RBFOX1: variants seen among roughly 807,000 people sequenced by gnomAD.
RBFOX1 encodes the protein RNA binding protein fox-1 homolog 1.
Under a neutral mutation model 57.7 loss-of-function variants are expected in RBFOX1, and 8 were observed. The ratio of observed to expected loss-of-function variants is 0.14; its 90% CI spans 0.08 to 0.25. The LOEUF (loss-of-function observed/expected upper bound fraction) is 0.25. RBFOX1 is among the 10% of genes least tolerant of loss of function. The probability of loss-of-function intolerance (pLI) is 1.00; values close to 1 mark genes in which losing one functional copy is unlikely to be tolerated. For synonymous variants in RBFOX1, 326 were observed against 222.4 expected, an observed-to-expected ratio of 1.47 and a Z score of -4.15; for missense variants, 611 against 548.5, an observed-to-expected ratio of 1.11 and a Z score of -1.14.
chr16:6,806,935 G>C (rs1048535934), intron 3 of RBFOX1, among the ~76,000 whole-genome samples: 9 of 149,718 alleles, frequency 6.0e-5, no homozygotes, highest in African/African-American at 2.2e-4. Flanking sequence ...CTGGGTTCAA[G>C]TGATTCTCCT....
rs561472314 is a variant in RBFOX1 at position 5,549,826 on chromosome 16, A to C, written c.259-49076A>C. On this transcript the variant is annotated intron_variant, in intron 2 of 2. Transcript: ENST00000585867. Reference sequence around the variant, plus strand: ...TCTGAAGGAATGTAGTTTGTGAGTTACTGGGAAGGATGGAAGCAGTGTCAT... The same window carrying C: ...TCTGAAGGAATGTAGTTTGTGAGTTCCTGGGAAGGATGGAAGCAGTGTCAT... Among the ~76,000 whole-genome samples, 3 of 152,330 alleles carry C rather than the reference A, an allele frequency of 2.0e-5. No homozygotes were observed. The South Asian group carries it at 6.2e-4, about 32-fold the overall frequency.
At chr16:7,267,347 C>T (rs1184983706) in intron 4 of RBFOX1, among the ~76,000 whole-genome samples, 3 of 152,010 alleles carry the variant, frequency 2.0e-5, no homozygotes, top group Admixed American at 6.6e-5. Context: ...CCAGCCTGGG[C>T]AACATGGCAA....
chr16:6,003,281 C>CAAAAA (rs59758084), intron 4 of RBFOX1, among the ~76,000 whole-genome samples: 10 of 77,584 alleles, frequency 1.3e-4, no homozygotes, highest in African/African-American at 4.5e-4. Context: ...ACTCTGTCTC[C>CAAAAA]AAAAAAAAAA....
At chr16:6,925,649 G>A (rs1306226184) in intron 3 of RBFOX1, among the ~76,000 whole-genome samples, 1 of 151,932 alleles carries the variant, frequency 6.6e-6, no homozygotes, top group Non-Finnish European at 1.5e-5. Context: ...GCTACAAAGG[G>A]CTTAGGGTAG....
intron 2 of RBFOX1, among the ~76,000 whole-genome samples, chr16:6,466,524 A>T (rs1050928158): frequency 6.6e-6 from 1 of 152,190 alleles, no homozygotes; most frequent in Non-Finnish European, 1.5e-5. Flanking sequence ...ATTCAACCTT[A>T]GATATGTATG....
chr16:5,571,401 G>C (rs1478237108), intron 2 of RBFOX1, among the ~76,000 whole-genome samples: 1 of 151,530 alleles, frequency 6.6e-6, no homozygotes, highest in Non-Finnish European at 1.5e-5. Flanking sequence ...TTTTAGTAGA[G>C]ATGGGGTTTC....
chr16:6,975,272 A>AT (rs35440171), intron 3 of RBFOX1, among the ~76,000 whole-genome samples: 42 of 149,976 alleles, frequency 2.8e-4, no homozygotes, highest in Middle Eastern at 3.4e-3. Flanking sequence ...TTTTTTTATT[A>AT]TTTTTTTTTT....
intron 3 of RBFOX1, among the ~76,000 whole-genome samples, chr16:6,986,551 C>G (rs1354182271): frequency 2.0e-5 from 3 of 152,168 alleles, no homozygotes; most frequent in African/African-American, 7.2e-5. Flanking sequence ...CTTGGCTTCC[C>G]AAAGTGCTGG....
At chr16:6,890,857 G>T (rs114070781) in intron 3 of RBFOX1, among the ~76,000 whole-genome samples, 4 of 152,176 alleles carry the variant, frequency 2.6e-5, no homozygotes, top group African/African-American at 7.2e-5. Flanking sequence ...AGCAGACTCA[G>T]TAGAACTCTA....
chr16:6,402,388 A>G (rs2093109215), intron 2 of RBFOX1, among the ~76,000 whole-genome samples: 1 of 152,224 alleles, frequency 6.6e-6, no homozygotes, highest in African/African-American at 2.4e-5. Context: ...TCTTTTCCAA[A>G]CAAAATAAAA....
At chr16:6,832,754 C>A (rs59171819) in intron 3 of RBFOX1, among the ~76,000 whole-genome samples, 36,928 of 152,142 alleles carry the variant, frequency 0.24, 6,247 homozygotes, top group East Asian at 0.51. Flanking sequence ...CTGTAACTGT[C>A]CCTACCTGTT....
At chr16:5,604,405 GGAATAA>G (rs2047487131), downstream of RBFOX1, among the ~76,000 whole-genome samples, 1 of 152,132 alleles carries the variant, frequency 6.6e-6, no homozygotes, top group South Asian at 2.1e-4. Flanking sequence ...ACTGGTTGTT[GGAATAA>G]TTCAATTTCT....
intron 3 of RBFOX1, among the ~76,000 whole-genome samples, chr16:6,736,193 T>A (rs748166531): frequency 6.6e-6 from 1 of 152,142 alleles, no homozygotes; most frequent in Non-Finnish European, 1.5e-5. Flanking sequence ...ATTTTATTTT[T>A]CCATAAGTTA....
At chr16:6,611,855 T>C (rs986518378) in intron 2 of RBFOX1, among the ~76,000 whole-genome samples, 1 of 152,022 alleles carries the variant, frequency 6.6e-6, no homozygotes, top group Non-Finnish European at 1.5e-5. Flanking sequence ...CTGGGCAGTG[T>C]CCACCATGGC....
chr16:5,833,201 A>T (rs1033157050), intron 3 of RBFOX1, among the ~76,000 whole-genome samples: 1 of 152,214 alleles, frequency 6.6e-6, no homozygotes, highest in South Asian at 2.1e-4. Flanking sequence ...ATCTGTATCA[A>T]TATGAAATCT....
At chr16:6,289,715 G>A (rs947636399) in intron 1 of RBFOX1, among the ~76,000 whole-genome samples, 2 of 152,162 alleles carry the variant, frequency 1.3e-5, no homozygotes, top group Non-Finnish European at 2.9e-5. Context: ...AAAAGGTAAG[G>A]ATGGTTGCAT....
At chr16:5,588,596 C>A (rs1301014437) in intron 2 of RBFOX1, among the ~76,000 whole-genome samples, 1 of 152,066 alleles carries the variant, frequency 6.6e-6, no homozygotes, top group Non-Finnish European at 1.5e-5. Flanking sequence ...GACCGAGTTA[C>A]GTATTTAAGG....
At chr16:6,537,389 A>G (rs566450420) in intron 2 of RBFOX1, among the ~76,000 whole-genome samples, 68 of 152,334 alleles carry the variant, frequency 4.5e-4, no homozygotes, top group Middle Eastern at 3.4e-3. Flanking sequence ...TTGTGTAGGT[A>G]TTCATATAGA....
intron 1 of RBFOX1, among the ~76,000 whole-genome samples, chr16:6,233,269 A>T (rs1293116349): frequency 1.3e-5 from 2 of 152,138 alleles, no homozygotes; most frequent in Non-Finnish European, 2.9e-5. Context: ...AGAAGCCCCA[A>T]ACTGGAGGGA....
Sources: gnomAD v4.1 joint callset for allele counts (sites outside exome capture counted in the v4.1 genomes callset) on GRCh38, gnomAD v4.1.1 for gene constraint, MANE v1.5 for transcripts, NCBI Gene and HGNC (gene_info 2026-07-23, HGNC 2026-07-21) for gene names.